The following TCP11L2 variants were observed in gnomAD, a reference collection of about 807,000 sequenced individuals.
The protein encoded by TCP11L2 is T-complex protein 11-like protein 2.
A neutral mutation model predicts 50.7 loss-of-function variants in TCP11L2; 39 were observed. The observed-to-expected ratio is 0.77, with a 90% CI of 0.60 to 1.01. The LOEUF is 1.01. TCP11L2 is among the 50% of genes least tolerant of loss of function. The pLI is 0.00. For missense variants in TCP11L2, 612 were observed against 614.7 expected (o/e 1.00, Z 0.05); for synonymous variants, 192 against 219.3 (o/e 0.88, Z 1.10).
upstream of TCP11L2, among the ~76,000 whole-genome samples, chr12:106,301,081 G>T (rs1300832083): frequency 6.6e-6 from 1 of 152,208 alleles, no homozygotes; most frequent in African/African-American, 2.4e-5. Flanking sequence ...GATGGCAGTT[G>T]TGTGGTGGTT....
At chr12:106,334,170 C>T (rs2035834261) in intron 6 of TCP11L2, among the ~76,000 whole-genome samples, 1 of 152,080 alleles carries the variant, frequency 6.6e-6, no homozygotes, top group South Asian at 2.1e-4. Flanking sequence ...TAGGGGAAAC[C>T]AGGAAAAAGT....
chr12:106,317,342 C>G (rs760410106), intron 3 of TCP11L2, among the ~76,000 whole-genome samples: 12 of 152,128 alleles, frequency 7.9e-5, no homozygotes, highest in Non-Finnish European at 1.6e-4. Flanking sequence ...GTGGTGAAAC[C>G]CTGTCTCTAC....
At chr12:106,299,770 G>A (rs910822789), upstream of TCP11L2, among the ~76,000 whole-genome samples, 1 of 152,134 alleles carries the variant, frequency 6.6e-6, no homozygotes, top group Non-Finnish European at 1.5e-5. Context: ...GATGAGTCCC[G>A]TATAGCTAAA....
At chr12:106,319,182 A>T (rs767553431) in intron 4 of TCP11L2, among the ~76,000 whole-genome samples, 6 of 152,198 alleles carry the variant, frequency 3.9e-5, no homozygotes, top group Non-Finnish European at 5.9e-5. Flanking sequence ...GAGTGCTGGG[A>T]TTACAGGCGT....
rs767495743 is a variant in TCP11L2, at chr12:106,321,478, C to T, written c.415-8C>T. 2 of 1,605,624 alleles carry T rather than the reference C, an allele frequency of 1.2e-6. No individual in the cohort carries two copies. The highest frequency in any genetic ancestry group is 2.2e-5 in the East Asian group (1 of 44,788). ...TGATGCTGTTAATTTTTATTTCTTTCCCTGTAGATTCTTCTCTCTTTTCTC... is the reference window on the plus strand; with the variant it reads ...TGATGCTGTTAATTTTTATTTCTTTTCCTGTAGATTCTTCTCTCTTTTCTC... On this transcript the variant is annotated splice_region_variant and splice_polypyrimidine_tract_variant and intron_variant, in intron 4 of 9. Coordinates refer to ENST00000299045, the MANE Select transcript of TCP11L2 (RefSeq NM_152772.3).
intron 4 of TCP11L2, among the ~76,000 whole-genome samples, chr12:106,319,053 A>G (rs1296917150): frequency 6.6e-6 from 1 of 152,072 alleles, no homozygotes; most frequent in South Asian, 2.1e-4. Flanking sequence ...CTGGGACTAC[A>G]GGCGCCCGCC....
chr12:106,339,010 T>G (rs2036008841), intron 8 of TCP11L2, among the ~76,000 whole-genome samples: 2 of 152,168 alleles, frequency 1.3e-5, no homozygotes, highest in Non-Finnish European at 2.9e-5. Context: ...CCGAGCATGG[T>G]GGCGCATGCC....
intron 6 of TCP11L2, chr12:106,329,501 A>G: frequency 6.7e-7 from 1 of 1,492,164 alleles, no homozygotes; most frequent in Non-Finnish European, 8.9e-7. Context: ...CTCAAGTCTG[A>G]CTACAAATTA....
chr12:106,306,234 C>A (rs2034628969), intron 1 of TCP11L2, among the ~76,000 whole-genome samples: 1 of 152,168 alleles, frequency 6.6e-6, no homozygotes, highest in South Asian at 2.1e-4. Context: ...TCTCTTTTAA[C>A]CTTCTATTTG....
chr12:106,310,189 A>G (rs934672779), intron 1 of TCP11L2, among the ~76,000 whole-genome samples: 4 of 152,184 alleles, frequency 2.6e-5, no homozygotes, highest in African/African-American at 4.8e-5. Flanking sequence ...TCCCAGAAAC[A>G]CTGGACATAG....
chr12:106,330,577 T>C (rs556340432), intron 6 of TCP11L2, among the ~76,000 whole-genome samples: 1 of 152,250 alleles, frequency 6.6e-6, no homozygotes, highest in East Asian at 1.9e-4. Flanking sequence ...ACACCCTAAA[T>C]AAAGAATTGG....
chr12:106,310,643 C>A (rs1215925406), intron 1 of TCP11L2, among the ~76,000 whole-genome samples: 2 of 152,186 alleles, frequency 1.3e-5, no homozygotes, highest in Admixed American at 1.3e-4. Context: ...GTTAAGTGAC[C>A]TTCCCAAGGT....
At chr12:106,322,330 T>C (rs1165096514) in intron 5 of TCP11L2, among the ~76,000 whole-genome samples, 1 of 152,152 alleles carries the variant, frequency 6.6e-6, no homozygotes, top group African/African-American at 2.4e-5. Context: ...ATATGCAATA[T>C]ATAGCCACCT....
chr12:106,346,084 C>T (rs1157868701), intron 9 of TCP11L2, among the ~76,000 whole-genome samples: 2 of 152,002 alleles, frequency 1.3e-5, no homozygotes, highest in African/African-American at 4.8e-5. Flanking sequence ...ACAGGGCCAG[C>T]CCAGATGGAA....
At chr12:106,314,601 G>T in intron 3 of TCP11L2, 108 bp downstream of exon 3, 2 of 863,196 alleles carry the variant, frequency 2.3e-6, no homozygotes, top group Non-Finnish European at 1.7e-6. Context: ...GAGAGAGAGA[G>T]ACAGAGAGAG....
intron 6 of TCP11L2, among the ~76,000 whole-genome samples, chr12:106,327,794 T>C (rs1024338542): frequency 6.6e-6 from 1 of 152,214 alleles, no homozygotes; most frequent in Non-Finnish European, 1.5e-5. Context: ...ACTCTAGATT[T>C]CTGAATTGGC....
chr12:106,329,518 T>C lies in TCP11L2; in HGVS notation c.772+5872T>C, dbSNP rs1250465182. 6.8e-6 allele frequency: 10 copies of C among 1,468,522 alleles called. No individual in the cohort carries two copies. In the East Asian group the frequency reaches 2.5e-4, roughly 37 times the overall value. 91.0% of individuals were successfully genotyped at this position (1,468,522 alleles called of 1,614,324 possible). On this transcript the variant is annotated intron_variant, in intron 6 of 9. Transcript: ENST00000299045. ...CAAGTCTGACTACAAATTAGAATCA[T>C]CTGGGGCGTTTAAACACAGAGGCCT...
At chr12:106,330,123 T>C in intron 6 of TCP11L2, 5 of 985,400 alleles carry the variant, frequency 5.1e-6, no homozygotes, top group Non-Finnish European at 6.0e-6. Flanking sequence ...GTGGGAAACC[T>C]TAGAACTGGG....
chr12:106,303,895 C>T (rs941382824), intron 1 of TCP11L2: 5 of 152,144 alleles, frequency 3.3e-5, no homozygotes, highest in African/African-American at 1.2e-4. Flanking sequence ...TTTGGGAAAT[C>T]TTAGATGGTT....
Sources: gnomAD v4.1 joint callset for allele counts (sites outside exome capture counted in the v4.1 genomes callset) on GRCh38, gnomAD v4.1.1 for gene constraint, MANE v1.5 for transcripts, NCBI Gene and HGNC (gene_info 2026-07-23, HGNC 2026-07-21) for gene names.